Variants in NOL10 observed in about 807,000 individuals in gnomAD.
NOL10 encodes H_NH0074G24.1.
NOL10 carries 58 observed loss-of-function variants against 103.5 expected under a neutral mutation model. That is an observed-to-expected ratio of 0.56 (90% CI 0.45 to 0.70). The LOEUF (loss-of-function observed/expected upper bound fraction) is 0.70. Among genes scored for constraint, NOL10 ranks in the 30% least tolerant of loss-of-function variants. The pLI is 0.00. For synonymous variants in NOL10, 287 were observed against 282.5 expected (o/e 1.02, Z -0.16); for missense variants, 763 against 807.3 (o/e 0.95, Z 0.67).
At chr2:10,637,022 C>G (rs1678280136) in intron 13 of NOL10, among the ~76,000 whole-genome samples, 2 of 151,718 alleles carry the variant, frequency 1.3e-5, no homozygotes, top group African/African-American at 2.4e-5. Flanking sequence ...GCCAACACAG[C>G]AAAACCCCAT....
rs34359340 is a variant in NOL10, at chr2:10,589,131, T to C, written c.1756A>G (p.Thr586Ala). Reference sequence around the variant, plus strand: ...TCATAAAACTGGGGCTTTAGGACTGTCTGCTGGTCCTCCTTGAGTCGTTCC... The same window carrying C: ...TCATAAAACTGGGGCTTTAGGACTGCCTGCTGGTCCTCCTTGAGTCGTTCC... ...RQERLKEDQQTVLKPQFYEIK... is the reference protein window; with the variant it reads ...RQERLKEDQQAVLKPQFYEIK... The change falls in exon 19 of 21, where the codon ACA becomes GCA. Residue 586 changes from threonine (T) to alanine (A), a missense_variant. Coordinates refer to ENST00000381685, the MANE Select transcript of NOL10 (RefSeq NM_024894.4). The C allele has an allele frequency of 6.2e-3, 10,075 of 1,613,980 alleles. 594 individuals carry two copies. The African/African-American group carries it at 0.12, about 19-fold the overall frequency.
chr2:10,617,717 T>C (rs1408343922), intron 13 of NOL10, among the ~76,000 whole-genome samples: 1 of 152,130 alleles, frequency 6.6e-6, no homozygotes, highest in African/African-American at 2.4e-5. Flanking sequence ...GATAATGACA[T>C]TCATCCACTG....
At chr2:10,655,396 G>A (rs1679780822) in intron 11 of NOL10, among the ~76,000 whole-genome samples, 1 of 152,184 alleles carries the variant, frequency 6.6e-6, no homozygotes, top group African/African-American at 2.4e-5. Flanking sequence ...GCACCGCAAG[G>A]TTTCGAGGAG....
intron 13 of NOL10, among the ~76,000 whole-genome samples, chr2:10,636,792 C>T (rs966886876): frequency 5.3e-5 from 8 of 152,136 alleles, no homozygotes; most frequent in African/African-American, 1.9e-4. Flanking sequence ...TCCATAAGTA[C>T]CTCTCTAACA....
At chr2:10,669,947 T>G (rs926593013) in intron 6 of NOL10, among the ~76,000 whole-genome samples, 1 of 151,700 alleles carries the variant, frequency 6.6e-6, no homozygotes, top group East Asian at 1.9e-4. Flanking sequence ...GTACAGTAGC[T>G]CACACCTGTA....
At chr2:10,622,272 A>G in intron 13 of NOL10, 1 of 432,996 alleles carries the variant, frequency 2.3e-6, no homozygotes, top group Non-Finnish European at 4.7e-6. Context: ...GCTGACCAAA[A>G]TGATATTGTG....
intron 17 of NOL10, among the ~76,000 whole-genome samples, chr2:10,594,090 T>G (rs1335938921): frequency 6.6e-6 from 1 of 152,138 alleles, no homozygotes; most frequent in African/African-American, 2.4e-5. Context: ...AAATTTTCTT[T>G]CAAGAAAATT....
rs985023675 is a variant in NOL10, at chr2:10,576,304, A to T, written c.1947+1332T>A. ...AATGGTGCAGCCACTGTCAGAAAAC[A>T]GTCTGACAGGTTTCTCAAAAAGTTA... is the stretch of plus-strand genomic sequence containing the variant. On this transcript the variant is annotated intron_variant, in intron 20 of 20. Coordinates refer to ENST00000381685, the MANE Select transcript of NOL10 (RefSeq NM_024894.4). Among the ~76,000 whole-genome samples, 10 of 152,312 alleles carry T rather than the reference A, an allele frequency of 6.6e-5. No homozygotes were observed. The South Asian group carries it at 2.1e-3, about 32-fold the overall frequency.
intron 19 of NOL10, among the ~76,000 whole-genome samples, chr2:10,584,822 T>C (rs188387568): frequency 6.6e-6 from 1 of 152,364 alleles, no homozygotes; most frequent in Admixed American, 6.5e-5. Context: ...CTTGGTGATA[T>C]TTAACTTAGA....
At chr2:10,682,754 T>TC (rs1342914455) in intron 2 of NOL10, among the ~76,000 whole-genome samples, 1 of 151,760 alleles carries the variant, frequency 6.6e-6, no homozygotes, top group Non-Finnish European at 1.5e-5. Context: ...AACTTTTTTT[T>TC]CTCCTAAGTA....
At chr2:10,663,677 G>A (rs999238732) in intron 8 of NOL10, among the ~76,000 whole-genome samples, 2 of 151,518 alleles carry the variant, frequency 1.3e-5, no homozygotes, top group African/African-American at 2.4e-5. Context: ...CCGGCCAGGC[G>A]CGGTGGCCAC....
chr2:10,580,900 C>A (rs756645247), intron 19 of NOL10, among the ~76,000 whole-genome samples: 1 of 152,042 alleles, frequency 6.6e-6, no homozygotes, highest in Non-Finnish European at 1.5e-5. Context: ...TAAAGGAGCC[C>A]TCACTCCATA....
intron 19 of NOL10, among the ~76,000 whole-genome samples, 199 bp downstream of exon 19, chr2:10,588,844 G>A (rs1223989776): frequency 2.0e-5 from 3 of 152,142 alleles, no homozygotes; most frequent in Non-Finnish European, 2.9e-5. Flanking sequence ...CTTCAATAGC[G>A]ACGCTCCCCT....
chr2:10,582,422 G>C (rs1316087222), intron 19 of NOL10, among the ~76,000 whole-genome samples: 1 of 152,168 alleles, frequency 6.6e-6, no homozygotes, highest in Non-Finnish European at 1.5e-5. Flanking sequence ...GACTACCCAA[G>C]GAGAGAAGTT....
chr2:10,629,425 A>G (rs555842102), intron 13 of NOL10, among the ~76,000 whole-genome samples: 4 of 152,020 alleles, frequency 2.6e-5, no homozygotes, highest in South Asian at 2.1e-4. Flanking sequence ...GTTTAGTGGG[A>G]AAAAAAACAA....
chr2:10,600,756 C>T (rs999883500), intron 17 of NOL10, 97 bp downstream of exon 17: 2 of 801,894 alleles, frequency 2.5e-6, no homozygotes, highest in Non-Finnish European at 4.1e-6. Context: ...AAGAAAAAGT[C>T]CTACATGTAT....
At chr2:10,664,164 C>T (rs973462398) in intron 8 of NOL10, among the ~76,000 whole-genome samples, 2 of 150,850 alleles carry the variant, frequency 1.3e-5, no homozygotes, top group Admixed American at 6.6e-5. Context: ...GGCATGGTGG[C>T]TTATGCCTGT....
intron 12 of NOL10, among the ~76,000 whole-genome samples, chr2:10,645,324 G>C (rs1438389777): frequency 6.6e-6 from 1 of 152,114 alleles, no homozygotes; most frequent in African/African-American, 2.4e-5. Flanking sequence ...ACAGAGAGAA[G>C]ACATTTAGAT....
intron 13 of NOL10, among the ~76,000 whole-genome samples, chr2:10,630,736 A>C (rs535395737): frequency 6.6e-6 from 1 of 152,186 alleles, no homozygotes; most frequent in South Asian, 2.1e-4. Flanking sequence ...AACAAAAAAA[A>C]ACCCAAAAAC....
Sources: gnomAD v4.1 joint callset for allele counts (sites outside exome capture counted in the v4.1 genomes callset) on GRCh38, gnomAD v4.1.1 for gene constraint, MANE v1.5 for transcripts, NCBI Gene and HGNC (gene_info 2026-07-23, HGNC 2026-07-21) for gene names.